The following WIPF2 variants were observed in gnomAD, a reference collection of about 807,000 sequenced individuals.
WIPF2 encodes WAS/WASL interacting protein family member 2, also known as WAS/WASL-interacting protein family member 2.
In WIPF2, 23 loss-of-function variants were observed where a neutral mutation model predicts 38.8. The ratio of observed to expected loss-of-function variants is 0.59; its 90% CI spans 0.43 to 0.84. The LOEUF is 0.84. Among genes scored for constraint, WIPF2 ranks in the 40% least tolerant of loss-of-function variants. The probability of loss-of-function intolerance (pLI) is 0.00; values close to 1 mark genes in which losing one functional copy is unlikely to be tolerated. For synonymous variants in WIPF2, 210 were observed against 223.2 expected, an observed-to-expected ratio of 0.94 and a Z score of 0.53; for missense variants, 574 against 580.5, an observed-to-expected ratio of 0.99 and a Z score of 0.11.
rs1158302885 is a variant in WIPF2, at chr17:40,256,490, C to T, written c.31C>T (p.Pro11Ser). The change falls in exon 2 of 8, where the codon CCT becomes TCT. Residue 11 changes from proline to serine, a missense_variant. By Grantham distance (74) the Pro-to-Ser change is moderately conservative. Coordinates refer to ENST00000323571, the MANE Select transcript of WIPF2 (RefSeq NM_133264.5). MPIPPPPPPP[P>S]GPPPPPTFHQ... ...AATTCCTCCTCCCCCGCCACCCCCA[C>T]CTGGTCCTCCTCCACCTCCCACATT... 1.2e-6 allele frequency: 2 copies of T among 1,607,318 alleles called. No individual in the cohort carries two copies. Among genetic ancestry groups the T allele is most frequent in the Non-Finnish European group, 1.7e-6 (2 of 1,177,378 alleles).
At chr17:40,242,236 T>C (rs1260818677) in intron 1 of WIPF2, among the ~76,000 whole-genome samples, 2 of 152,044 alleles carry the variant, frequency 1.3e-5, no homozygotes, top group Admixed American at 6.6e-5. Context: ...AACGATTAGC[T>C]GGATGTGGTA....
At chr17:40,233,050 T>G (rs2030816909) in intron 1 of WIPF2, among the ~76,000 whole-genome samples, 1 of 152,190 alleles carries the variant, frequency 6.6e-6, no homozygotes, top group Non-Finnish European at 1.5e-5. Context: ...GTGGGGTTGT[T>G]GATCACTGTG....
chr17:40,256,263 G>A, intron 1 of WIPF2, 128 bp from the exon 2 acceptor site: 1 of 682,048 alleles, frequency 1.5e-6, no homozygotes, highest in Middle Eastern at 4.1e-4. Flanking sequence ...GCCCTGGACT[G>A]TATCACAGTG....
At chr17:40,269,749 C>T (rs1176633623) in intron 5 of WIPF2, among the ~76,000 whole-genome samples, 6 of 150,432 alleles carry the variant, frequency 4.0e-5, no homozygotes, top group East Asian at 2.1e-4. Context: ...GGACTGCAGG[C>T]ACCCGCTACC....
rs973061072 is a variant in WIPF2 at position 40,266,237 on chromosome 17, C to CAA, written c.970+1110_970+1111dup. Among the ~76,000 whole-genome samples the CAA allele has an allele frequency of 3.8e-3, 239 of 62,292 alleles. 5 individuals are homozygous for CAA. Among genetic ancestry groups the CAA allele is most frequent in the Admixed American group, 7.5e-3 (40 of 5,342 alleles). The allele number at this position is 62,292 out of a possible 152,430, so 40.9% of individuals were successfully genotyped here. A position where few individuals can be genotyped will look rare whatever the true frequency, so the allele number is the denominator to read the frequency against. On this transcript the variant is annotated intron_variant, in intron 5 of 7. Coordinates refer to ENST00000323571, the MANE Select transcript of WIPF2 (RefSeq NM_133264.5). The stretch of plus-strand genomic sequence containing the variant: ...TGGGCGACAGAGTGACAGTCCATCT[C>CAA]AAAAAAAAAAAAAAAAAAAATGAGG...
At chr17:40,269,188 C>T (rs759857350) in intron 5 of WIPF2, among the ~76,000 whole-genome samples, 8 of 151,990 alleles carry the variant, frequency 5.3e-5, no homozygotes, top group Non-Finnish European at 7.4e-5. Flanking sequence ...GGCATGATGG[C>T]GGGTGCCTGT....
At position 40,264,955 on chromosome 17, in the gene WIPF2, G is replaced by A; in HGVS notation, c.779G>A (p.Gly260Glu). 6.2e-7 allele frequency: 1 copy of A among 1,614,072 alleles called. No individual in the cohort carries two copies. Among genetic ancestry groups the A allele is most frequent in the Non-Finnish European group, 8.5e-7 (1 of 1,180,006 alleles). Residue 260 changes from glycine to glutamate, a missense_variant, in exon 5 of 8, where the codon GGG becomes GAG. By Grantham distance (98) the Gly-to-Glu change is moderately conservative. Transcript: ENST00000323571. ...CCTCCGCCTTACCGCCAGCCTCCTG[G>A]GGTCCCCAATGGACCCTCTAGCCCC... ...PPPPPYRQPPGVPNGPSSPTN... is the reference protein window; with the variant it reads ...PPPPPYRQPPEVPNGPSSPTN...
intron 4 of WIPF2, among the ~76,000 whole-genome samples, chr17:40,263,546 T>TTTCC (rs2031980621): frequency 1.2e-5 from 1 of 85,916 alleles, no homozygotes; most frequent in East Asian, 3.1e-4. Flanking sequence ...TATTTATTCG[T>TTTCC]CCCCCCCCCC....
chr17:40,228,018 T>G lies in WIPF2; in HGVS notation c.-70+8526T>G, dbSNP rs189143351. Among the ~76,000 whole-genome samples, 53 of 119,708 alleles carry G rather than the reference T, an allele frequency of 4.4e-4. 1 individual carries two copies. The highest frequency in any genetic ancestry group is 1.5e-3 in the African/African-American group (46 of 30,178). 78.5% of individuals were successfully genotyped at this position (119,708 alleles called of 152,430 possible). A position where few individuals can be genotyped will look rare whatever the true frequency, so the allele number is the denominator to read the frequency against. On this transcript the variant is annotated intron_variant, in intron 1 of 7. Coordinates refer to ENST00000323571, the MANE Select transcript of WIPF2 (RefSeq NM_133264.5). Reference sequence around the variant, plus strand: ...TTTTTATACCTCTTTTTGTTTTTTTTTTTTTTTTTTTTTTTGAGACGGAGT... The same window carrying G: ...TTTTTATACCTCTTTTTGTTTTTTTGTTTTTTTTTTTTTTTGAGACGGAGT...
chr17:40,243,663 G>A (rs1318150782), intron 1 of WIPF2, among the ~76,000 whole-genome samples: 6 of 151,656 alleles, frequency 4.0e-5, no homozygotes, highest in South Asian at 2.1e-4. Context: ...ACAGGCATAC[G>A]CCACCACACC....
Position 40,262,660 on chromosome 17 carries a change from C to A in WIPF2, c.313+19C>A. ...GGTTCAGGTATCTGATGAGTACTTTCCCAGGGTATTTCCCTGGTGTGTTAA... is the reference window on the plus strand; with the variant it reads ...GGTTCAGGTATCTGATGAGTACTTTACCAGGGTATTTCCCTGGTGTGTTAA... On this transcript the variant is annotated intron_variant, in intron 4 of 7. Coordinates refer to ENST00000323571, the MANE Select transcript of WIPF2 (RefSeq NM_133264.5). The A allele has an allele frequency of 1.9e-6, 3 of 1,588,554 alleles. No individual in the cohort carries two copies. Among genetic ancestry groups the A allele is most frequent in the Non-Finnish European group, 2.6e-6 (3 of 1,157,278 alleles).
intron 5 of WIPF2, among the ~76,000 whole-genome samples, chr17:40,268,596 A>AT (rs1051722252): frequency 5.3e-5 from 8 of 151,632 alleles, no homozygotes; most frequent in Non-Finnish European, 1.0e-4. Flanking sequence ...GCTCATTAAA[A>AT]TTTTTTTTTA....
chr17:40,270,882 T>TTTTGTGTGTGTGTGTG (rs1555564307), intron 5 of WIPF2, among the ~76,000 whole-genome samples: 6 of 150,362 alleles, frequency 4.0e-5, no homozygotes, highest in Non-Finnish European at 7.4e-5. Context: ...TTGTGCCAGA[T>TTTTGTGTGTGTGTGTG]TGTGTGTGTG....
At chr17:40,224,211 T>C (rs949709139) in intron 1 of WIPF2, among the ~76,000 whole-genome samples, 16 of 148,022 alleles carry the variant, frequency 1.1e-4, no homozygotes, top group African/African-American at 3.7e-4. Context: ...AGCCTGCTTA[T>C]TTTTTTTTTC....
chr17:40,263,009 A>T (rs1276309970), intron 4 of WIPF2, among the ~76,000 whole-genome samples: 2 of 152,058 alleles, frequency 1.3e-5, no homozygotes, highest in Admixed American at 1.3e-4. Flanking sequence ...AGTTGAACTC[A>T]CTCGTAGAAG....
In WIPF2 at chr17:40,278,392, C is replaced by T; in HGVS notation, c.*167C>T. 3 of 732,746 alleles carry T rather than the reference C, an allele frequency of 4.1e-6. No homozygotes were observed. The highest frequency in any genetic ancestry group is 4.5e-6 in the Non-Finnish European group (2 of 447,900). 45.4% of individuals were successfully genotyped at this position (732,746 alleles called of 1,614,324 possible). A position where few individuals can be genotyped will look rare whatever the true frequency, so the allele number is the denominator to read the frequency against. ...CCAGCTCACCTCCATCTATGCATCT[C>T]ATCTCTGGATTTGGTGATCAGACTC... is the stretch of plus-strand genomic sequence containing the variant. On this transcript the variant is annotated 3_prime_UTR_variant, in exon 8 of 8. Coordinates refer to ENST00000323571, the MANE Select transcript of WIPF2 (RefSeq NM_133264.5).
intron 1 of WIPF2, among the ~76,000 whole-genome samples, chr17:40,231,425 C>CTTT (rs869080815): frequency 3.7e-5 from 5 of 136,332 alleles, no homozygotes; most frequent in Non-Finnish European, 6.4e-5. Flanking sequence ...GCTTTTCTAC[C>CTTT]TTTTTTTTTT....
intron 1 of WIPF2, 89 bp from the exon 2 acceptor site, chr17:40,256,302 T>C (rs2031729422): frequency 9.4e-7 from 1 of 1,062,394 alleles, no homozygotes; most frequent in Non-Finnish European, 1.3e-6. Context: ...TTCAGTCTCT[T>C]TTGATTACCA....
At position 40,220,607 on chromosome 17, in the gene WIPF2, ATAT is replaced by A. The variant is rs1567705858; in HGVS notation, c.-70+1116_-70+1118del. 2.1e-3 allele frequency: 186 copies of A among 90,510 alleles called. 2 individuals are homozygous for A. The highest frequency in any genetic ancestry group is 7.2e-3 in the African/African-American group (159 of 22,150). The allele number at this position is 90,510 out of a possible 1,614,324, so 5.6% of individuals were successfully genotyped here. On this transcript the variant is annotated intron_variant, in intron 1 of 7. Coordinates refer to ENST00000323571, the MANE Select transcript of WIPF2 (RefSeq NM_133264.5). ...TATATATATATATATATATATATAT[ATAT>A]ATATATATGTATATATATATATTTT...
Sources: gnomAD v4.1 joint callset for allele counts (sites outside exome capture counted in the v4.1 genomes callset) on GRCh38, gnomAD v4.1.1 for gene constraint, MANE v1.5 for transcripts, NCBI Gene and HGNC (gene_info 2026-07-23, HGNC 2026-07-21) for gene names.